Variants in ABHD1 observed in about 807,000 individuals in gnomAD.
ABHD1 encodes abhydrolase domain containing 1.
Under a neutral mutation model 41.4 loss-of-function variants are expected in ABHD1, and 47 were observed. That is an observed-to-expected ratio of 1.13 (90% CI 0.90 to 1.45). The LOEUF is 1.45. ABHD1 is among the 40% of genes most tolerant of loss of function. The probability of loss-of-function intolerance (pLI) is 0.00; values close to 1 mark genes in which losing one functional copy is unlikely to be tolerated. For missense variants in ABHD1, 550 were observed against 503.4 expected (o/e 1.09, Z -0.89); for synonymous variants, 205 against 203.7 (o/e 1.01, Z -0.05).
At position 27,130,767 on chromosome 2, in the gene ABHD1, A is replaced by T; in HGVS notation, c.*23A>T. The T allele has an allele frequency of 6.2e-7, 1 of 1,605,658 alleles. No homozygotes were observed. The highest frequency in any genetic ancestry group is 8.5e-7 in the Non-Finnish European group (1 of 1,172,530). ...TGACAAGAGTACCATTTGGGGTCTC[A>T]GTTCACTCTTTCCTTGTTTATTAAA... On this transcript the variant is annotated 3_prime_UTR_variant, in exon 9 of 9. Transcript: ENST00000316470.
chr2:27,126,945 CAAAAAA>C (rs35167727), intron 1 of ABHD1: 2 of 133,328 alleles, frequency 1.5e-5, no homozygotes, highest in Non-Finnish European at 3.1e-5. Context: ...ACTAAAAATA[CAAAAAA>C]AAAAAAAAAA....
rs1304483404 is a variant in ABHD1, at chr2:27,130,400, C to T, written c.990C>T (p.Pro330=). 4 of 1,614,094 alleles carry T rather than the reference C, an allele frequency of 2.5e-6. No homozygotes were observed. Among genetic ancestry groups the T allele is most frequent in the South Asian group, 1.1e-5 (1 of 91,088 alleles). ...PVLYLSAADD[P]FSPVCALPIQ... The stretch of plus-strand genomic sequence containing the variant: ...TCTATCTCAGTGCAGCAGATGACCC[C>T]TTCTCCCCCGTCTGTGGTGAGTACT... Residue 330 remains proline, a synonymous_variant, in exon 8 of 9, where the codon CCC becomes CCT. Transcript: ENST00000316470.
rs751865735 is a variant in ABHD1, at chr2:27,128,609, G to A, written c.275+8G>A. ...CCTAGTCCTTTATCAGAGGTAAGAA[G>A]GGACAGAACAGGGTGAACATGAAAC... is the stretch of plus-strand genomic sequence containing the variant. On this transcript the variant is annotated splice_region_variant and intron_variant, in intron 2 of 8. Coordinates refer to ENST00000316470, the MANE Select transcript of ABHD1 (RefSeq NM_032604.4). 20 of 1,613,656 alleles carry A rather than the reference G, an allele frequency of 1.2e-5. No homozygotes were observed. The highest frequency in any genetic ancestry group is 1.6e-5 in the Non-Finnish European group (19 of 1,179,742).
In ABHD1 at chr2:27,130,762, G is replaced by C. The variant is rs41288799; in HGVS notation, c.*18G>C. The C allele has an allele frequency of 0.032, 51,869 of 1,609,370 alleles. 1,001 individuals are homozygous for C. Among genetic ancestry groups the C allele is most frequent in the Non-Finnish European group, 0.038 (45,066 of 1,175,838 alleles). On this transcript the variant is annotated 3_prime_UTR_variant, in exon 9 of 9. Coordinates refer to ENST00000316470, the MANE Select transcript of ABHD1 (RefSeq NM_032604.4). ...ACAGCTGACAAGAGTACCATTTGGG[G>C]TCTCAGTTCACTCTTTCCTTGTTTA...
In ABHD1 at chr2:27,130,378, ATCTC is replaced by A; in HGVS notation, c.969_972del (p.Tyr323Ter). On this transcript the variant is annotated frameshift_variant, in exon 8 of 9. Coordinates refer to ENST00000316470, the MANE Select transcript of ABHD1 (RefSeq NM_032604.4). LOFTEE classifies it low-confidence loss of function (END_TRUNC). ...GATGCCATCCGGATCCCTGTGCTCTATCTCAGTGCAGCAGATGACCCCTTCTCCC... is the reference window on the plus strand; with the variant it reads ...GATGCCATCCGGATCCCTGTGCTCTAAGTGCAGCAGATGACCCCTTCTCCC... 6.2e-7 allele frequency: 1 copy of A among 1,614,084 alleles called. No homozygotes were observed. The highest frequency in any genetic ancestry group is 8.5e-7 in the Non-Finnish European group (1 of 1,179,976).
rs377160566 is a variant in ABHD1, at chr2:27,130,603, C to T, written c.1077C>T (p.Ile359=). ...TCATCACAGCCCGGGGTGGCCACAT[C>T]GGCTTCCTGGAAGGGCTGCTCCCGT... The part of the protein sequence containing the change: ...ALLITARGGH[I]GFLEGLLPWQ... The change falls in exon 9 of 9, where the codon ATC becomes ATT. Residue 359 remains isoleucine (I), a synonymous_variant. Transcript: ENST00000316470. 9 of 1,614,072 alleles carry T rather than the reference C, an allele frequency of 5.6e-6. No homozygotes were observed. The highest frequency in any genetic ancestry group is 2.2e-5 in the South Asian group (2 of 91,088).
chr2:27,125,398 T>C (rs916936627), intron 1 of ABHD1: 1 of 152,114 alleles, frequency 6.6e-6, no homozygotes, highest in African/African-American at 2.4e-5. Context: ...CTAGATACGG[T>C]GTTTGGATTG....
chr2:27,128,321 C>A, intron 1 of ABHD1, 120 bp from the exon 2 acceptor site: 1 of 1,228,602 alleles, frequency 8.1e-7, no homozygotes, highest in Non-Finnish European at 1.2e-6. Context: ...CACATGCAGA[C>A]AAAGCAGGGT....
chr2:27,129,476 G>A (rs373398465), intron 4 of ABHD1, 38 bp from the exon 5 acceptor site: 50 of 1,612,454 alleles, frequency 3.1e-5, no homozygotes, highest in South Asian at 2.4e-4. Flanking sequence ...TTCTGGCCAC[G>A]GTCTCCCTCC....
At chr2:27,127,357 A>G (rs1672002842) in intron 1 of ABHD1, among the ~76,000 whole-genome samples, 1 of 144,028 alleles carries the variant, frequency 6.9e-6, no homozygotes, top group African/African-American at 2.6e-5. Context: ...GATCGAGACC[A>G]TCCTGGCTAA....
chr2:27,127,473 G>A, intron 1 of ABHD1, among the ~76,000 whole-genome samples: 1 of 130,868 alleles, frequency 7.6e-6, no homozygotes, highest in South Asian at 2.4e-4. Flanking sequence ...AGAATGGCGT[G>A]AACCCGGGAG....
At position 27,124,006 on chromosome 2, in the gene ABHD1, C is replaced by T. The variant is rs752085651; in HGVS notation, c.58C>T (p.Leu20Phe). The T allele has an allele frequency of 3.5e-5, 57 of 1,614,132 alleles. No individual in the cohort carries two copies. The highest frequency in any genetic ancestry group is 4.6e-5 in the Non-Finnish European group (54 of 1,180,060). ...NGTWADTFSL[L>F]LALAVALYLG... ...CACCTGGGCAGACACCTTCTCTCTG[C>T]TCTTGGCTCTTGCCGTTGCCCTCTA... Residue 20 changes from leucine (L) to phenylalanine (F), a missense_variant, in exon 1 of 9, where the codon CTC (leucine) becomes TTC (phenylalanine). By Grantham distance (22) the Leu-to-Phe change is conservative. Coordinates refer to ENST00000316470, the MANE Select transcript of ABHD1 (RefSeq NM_032604.4).
intron 8 of ABHD1, 41 bp from the exon 9 acceptor site, chr2:27,130,479 ACAGCCTGGGCTCC>A: frequency 1.2e-6 from 2 of 1,611,778 alleles, no homozygotes; most frequent in Non-Finnish European, 1.7e-6. Context: ...GACGCAACAG[ACAGCCTGGGCTCC>A]CAGTGAAGGC....
intron 1 of ABHD1, among the ~76,000 whole-genome samples, chr2:27,127,544 ACT>A (rs1672015967): frequency 1.2e-5 from 1 of 80,992 alleles, no homozygotes; most frequent in African/African-American, 5.4e-5. Context: ...ACAGAGCGAG[ACT>A]CTGTCTCAAA....
At chr2:27,130,204 C>A (rs375241124) in intron 7 of ABHD1, 47 bp from the exon 8 acceptor site, 1 of 1,614,044 alleles carries the variant, frequency 6.2e-7, no homozygotes, top group African/African-American at 1.3e-5. Flanking sequence ...CTTCCACTAT[C>A]TTCCTATTCT....
intron 3 of ABHD1, 59 bp downstream of exon 3, chr2:27,129,186 G>A (rs1672107278): frequency 6.3e-7 from 1 of 1,594,780 alleles, no homozygotes; most frequent in East Asian, 2.2e-5. Context: ...TTAGGGAGAA[G>A]TCAATCCGGA....
chr2:27,128,836 T>C (rs1432001638), intron 2 of ABHD1, 109 bp from the exon 3 acceptor site: 3 of 1,340,722 alleles, frequency 2.2e-6, no homozygotes, highest in African/African-American at 2.9e-5. Context: ...CCTCAGATGA[T>C]GCTGACGGGA....
chr2:27,130,250 G>A lies in ABHD1; in HGVS notation c.841-1G>A, dbSNP rs775595178. ...AGCCTATCCTATGGTAAGACCTGCA[G>A]GCCCGTACAATCCGCCAGTTTGATG... On this transcript the variant is annotated splice_acceptor_variant, in intron 7 of 8. Transcript: ENST00000316470. LOFTEE classifies it high-confidence loss of function. 3.1e-6 allele frequency: 5 copies of A among 1,614,158 alleles called. No homozygotes were observed. Among genetic ancestry groups the A allele is most frequent in the Admixed American group, 1.7e-5 (1 of 60,014 alleles).
At position 27,128,557 on chromosome 2, in the gene ABHD1, C is replaced by T. The variant is rs771600522; in HGVS notation, c.231C>T (p.Ile77=). The stretch of plus-strand genomic sequence containing the variant: ...GTTTTGAGGGGCGACTACAAAGCAT[C>T]TTCCAAGTCCTCCTGCAGTCTCAGC... ...LWCFEGRLQS[I]FQVLLQSQPL... is the part of the protein sequence containing the mutation. The change falls in exon 2 of 9, where the codon ATC becomes ATT. Residue 77 remains isoleucine (I), a synonymous_variant. Coordinates refer to ENST00000316470, the MANE Select transcript of ABHD1 (RefSeq NM_032604.4). The T allele has an allele frequency of 6.2e-7, 1 of 1,614,098 alleles. No individual in the cohort carries two copies. Among genetic ancestry groups the T allele is most frequent in the Admixed American group, 1.7e-5 (1 of 60,002 alleles).
Sources: allele counts gnomAD v4.1 joint callset (sites outside exome capture counted in the v4.1 genomes callset), GRCh38; gene constraint gnomAD v4.1.1; transcripts MANE v1.5; gene names NCBI Gene and HGNC (gene_info 2026-07-23, HGNC 2026-07-21).